The following DOCK8 variants were observed in gnomAD, a reference collection of about 807,000 sequenced individuals.
DOCK8 encodes dedicator of cytokinesis protein 8.
DOCK8 carries 141 observed loss-of-function variants against 245.6 expected under a neutral mutation model. That is an observed-to-expected ratio of 0.57 (90% CI 0.50 to 0.66). DOCK8 has a LOEUF of 0.66. Ranked by LOEUF, DOCK8 falls within the 30% of genes least tolerant of loss-of-function variation. The pLI is 0.00. For missense variants in DOCK8, 2,965 were observed against 2,603.4 expected (o/e 1.14, Z -3.02); for synonymous variants, 1,168 against 970.2 (o/e 1.20, Z -3.79).
intron 1 of DOCK8, among the ~76,000 whole-genome samples, chr9:227,228 G>T (rs1327801341): frequency 6.6e-6 from 1 of 152,204 alleles, no homozygotes; most frequent in Non-Finnish European, 1.5e-5. Context: ...GGTCAAATGG[G>T]ATAAGGATGA....
chr9:244,251 A>AAT (rs2047450021), intron 1 of DOCK8, among the ~76,000 whole-genome samples: 1 of 151,082 alleles, frequency 6.6e-6, no homozygotes, highest in Admixed American at 6.6e-5. Flanking sequence ...ATGAAAATAC[A>AAT]CTTTACAATC....
At chr9:232,683 A>T (rs924520648) in intron 1 of DOCK8, among the ~76,000 whole-genome samples, 59 of 151,990 alleles carry the variant, frequency 3.9e-4, no homozygotes, top group East Asian at 9.7e-4. Context: ...TTTATTTGCA[A>T]AGAGGTGTTT....
At chr9:392,402 C>A (rs1442231819) in intron 24 of DOCK8, among the ~76,000 whole-genome samples, 1 of 152,184 alleles carries the variant, frequency 6.6e-6, no homozygotes, top group Non-Finnish European at 1.5e-5. Context: ...AAGTCCCAAC[C>A]TCTGTTTTGA....
chr9:442,801 C>G (rs2057134734), intron 42 of DOCK8, among the ~76,000 whole-genome samples: 1 of 152,170 alleles, frequency 6.6e-6, no homozygotes, highest in Admixed American at 6.5e-5. Flanking sequence ...ACTCCTTAGG[C>G]TTTCATTGCT....
At chr9:348,133 A>G (rs1050733032) in intron 14 of DOCK8, among the ~76,000 whole-genome samples, 2 of 152,126 alleles carry the variant, frequency 1.3e-5, no homozygotes, top group Non-Finnish European at 2.9e-5. Context: ...GACCTTAGAC[A>G]TCTGGCATTT....
chr9:378,770 G>A (rs2053620273), intron 20 of DOCK8, among the ~76,000 whole-genome samples: 1 of 152,202 alleles, frequency 6.6e-6, no homozygotes, highest in Admixed American at 6.5e-5. Context: ...AAGTGGAGGT[G>A]GCTAGTCTAC....
chr9:363,406 CCT>C (rs1196413800), intron 14 of DOCK8, among the ~76,000 whole-genome samples: 50 of 152,300 alleles, frequency 3.3e-4, no homozygotes, highest in South Asian at 1.0e-3. Flanking sequence ...AGCATATGAG[CCT>C]GTTTATCCGT....
At chr9:362,732 G>A (rs2052788290) in intron 14 of DOCK8, among the ~76,000 whole-genome samples, 1 of 152,220 alleles carries the variant, frequency 6.6e-6, no homozygotes, top group South Asian at 2.1e-4. Flanking sequence ...TCAGCTCCAA[G>A]CTGTAGAAGG....
intron 1 of DOCK8, among the ~76,000 whole-genome samples, chr9:220,557 A>T (rs962295834): frequency 6.6e-6 from 1 of 152,124 alleles, no homozygotes; most frequent in African/African-American, 2.4e-5. Context: ...GAAGGTAGGG[A>T]TGTTACCATA....
At chr9:214,846 GA>G, upstream of DOCK8, 1 of 1,601,824 alleles carries the variant, frequency 6.2e-7, no homozygotes, top group Non-Finnish European at 8.5e-7. Context: ...TGGAAATGCG[GA>G]AGTTTCCAGC....
intron 4 of DOCK8, among the ~76,000 whole-genome samples, chr9:292,233 G>A (rs1265895465): frequency 1.3e-5 from 2 of 151,216 alleles, no homozygotes; most frequent in Non-Finnish European, 1.5e-5. Context: ...AACCGGGCAT[G>A]GTGGTGCATG....
intron 26 of DOCK8, among the ~76,000 whole-genome samples, chr9:403,758 G>A (rs1417964141): frequency 2.0e-5 from 3 of 150,898 alleles, no homozygotes; most frequent in East Asian, 2.0e-4. Context: ...CCAGCTACTC[G>A]GGAGGCTGAG....
chr9:446,561 C>T lies in DOCK8; in HGVS notation c.5772C>T (p.Ala1924=). Reference sequence around the variant, plus strand: ...ACACAGTCCTGACCACTATGCACGCCTTCCCCTACATCAAGACCAGGATCA... The same window carrying T: ...ACACAGTCCTGACCACTATGCACGCTTTCCCCTACATCAAGACCAGGATCA... ...RRNTVLTTMH[A]FPYIKTRISV... is the part of the protein sequence containing the mutation. Residue 1924 remains alanine (A), a synonymous_variant, in exon 44 of 48, where the codon GCC becomes GCT. Coordinates refer to ENST00000432829, the MANE Select transcript of DOCK8 (RefSeq NM_203447.4). 1 of 1,614,204 alleles carries T rather than the reference C, an allele frequency of 6.2e-7. No individual in the cohort carries two copies. Among genetic ancestry groups the T allele is most frequent in the Non-Finnish European group, 8.5e-7 (1 of 1,180,032 alleles).
At chr9:332,275 T>C (rs557978755) in intron 9 of DOCK8, 123 bp from the exon 10 acceptor site, 16 of 670,190 alleles carry the variant, frequency 2.4e-5, no homozygotes, top group South Asian at 3.7e-5. Flanking sequence ...TAAAAAAATA[T>C]GTATCACAGA....
At chr9:268,962 G>A (rs1263202506) in intron 1 of DOCK8, among the ~76,000 whole-genome samples, 2 of 152,202 alleles carry the variant, frequency 1.3e-5, no homozygotes, top group Non-Finnish European at 2.9e-5. Context: ...AGCACTTGGA[G>A]ACAAAATCTG....
chr9:242,589 C>A (rs975478609), intron 1 of DOCK8, among the ~76,000 whole-genome samples: 2 of 152,142 alleles, frequency 1.3e-5, no homozygotes, highest in African/African-American at 4.8e-5. Flanking sequence ...TAAGAGTGTT[C>A]TTATTCTCCC....
At chr9:225,247 A>G (rs1351634006) in intron 1 of DOCK8, among the ~76,000 whole-genome samples, 1 of 152,134 alleles carries the variant, frequency 6.6e-6, no homozygotes, top group East Asian at 1.9e-4. Flanking sequence ...GGGAGGGGTA[A>G]GGACAAAAAC....
Position 317,144 on chromosome 9 carries a change from C to A in DOCK8, c.827+16C>A. ...TGACCTTGAAGTAAGTATCAACAAA[C>A]ACACTGCCACCGCTTTGAGATTTAT... On this transcript the variant is annotated intron_variant, in intron 7 of 47. Coordinates refer to ENST00000432829, the MANE Select transcript of DOCK8 (RefSeq NM_203447.4). The A allele has an allele frequency of 2.6e-6, 4 of 1,554,784 alleles. No individual in the cohort carries two copies. The highest frequency in any genetic ancestry group is 1.8e-6 in the Non-Finnish European group (2 of 1,126,084).
intron 2 of DOCK8, among the ~76,000 whole-genome samples, chr9:285,115 G>T (rs1357233561): frequency 6.6e-6 from 1 of 152,104 alleles, no homozygotes; most frequent in African/African-American, 2.4e-5. Flanking sequence ...ATCCCAGACA[G>T]GAAGTAGGGC....
Sources: allele counts gnomAD v4.1 joint callset (sites outside exome capture counted in the v4.1 genomes callset), GRCh38; gene constraint gnomAD v4.1.1; transcripts MANE v1.5; gene names NCBI Gene and HGNC (gene_info 2026-07-23, HGNC 2026-07-21).